The following EBF1 variants were observed in gnomAD, a reference collection of about 807,000 sequenced individuals.
EBF1 encodes the protein EBF transcription factor 1, also known as transcription factor COE1.
Under a neutral mutation model 68.4 loss-of-function variants are expected in EBF1, and 10 were observed. That is an observed-to-expected ratio of 0.15 (90% CI 0.09 to 0.25). The LOEUF (loss-of-function observed/expected upper bound fraction) is 0.25, where lower values mean the gene tolerates loss of function less well. Ranked by LOEUF, EBF1 falls within the 10% of genes least tolerant of loss-of-function variation. EBF1 has a pLI of 1.00. For synonymous variants in EBF1, 298 were observed against 299.8 expected (o/e 0.99, Z 0.06); for missense variants, 509 against 794.4 (o/e 0.64, Z 4.32).
chr5:158,801,667 T>TAAAAA (rs11290189), intron 8 of EBF1, among the ~76,000 whole-genome samples: 1 of 128,250 alleles, frequency 7.8e-6, no homozygotes. Context: ...AGGGAAGAAT[T>TAAAAA]AAAAAAAAAA....
chr5:158,888,689 CA>C (rs1275770943), intron 6 of EBF1, among the ~76,000 whole-genome samples: 1 of 151,952 alleles, frequency 6.6e-6, no homozygotes, highest in Non-Finnish European at 1.5e-5. Context: ...AAACAATAAC[CA>C]AAAAGGTTTA....
At chr5:158,906,519 G>GT (rs1163312203) in intron 6 of EBF1, among the ~76,000 whole-genome samples, 11 of 152,180 alleles carry the variant, frequency 7.2e-5, no homozygotes, top group Non-Finnish European at 4.4e-5. Context: ...GAACAGGCAG[G>GT]TGCAGGGGAG....
At chr5:159,054,556 A>G (rs2127834686) in intron 6 of EBF1, among the ~76,000 whole-genome samples, 1 of 152,312 alleles carries the variant, frequency 6.6e-6, no homozygotes, top group Admixed American at 6.5e-5. Context: ...TATATACTGT[A>G]TTGTCACTCA....
chr5:159,073,621 G>T, intron 5 of EBF1, 157 bp from the exon 6 acceptor site: 1 of 749,618 alleles, frequency 1.3e-6, no homozygotes, highest in Non-Finnish European at 2.2e-6. Flanking sequence ...AATTCTATTT[G>T]GGTCACCTAT....
At chr5:158,998,311 G>T (rs1463143588) in intron 6 of EBF1, among the ~76,000 whole-genome samples, 1 of 152,020 alleles carries the variant, frequency 6.6e-6, no homozygotes, top group Admixed American at 6.6e-5. Context: ...CCTCGACAAG[G>T]CTTTCCTCCA....
At chr5:158,763,286 T>A (rs1054056708) in intron 10 of EBF1, among the ~76,000 whole-genome samples, 3 of 152,198 alleles carry the variant, frequency 2.0e-5, no homozygotes. Context: ...TGGACCCCAC[T>A]AAGTCCCTCC....
rs199832129 is a variant in EBF1 at position 158,731,031 on chromosome 5, C to G, written c.1125+38G>C. 6.9e-6 allele frequency: 11 copies of G among 1,591,266 alleles called. 1 individual carries two copies. The South Asian group carries it at 1.1e-4, about 16-fold the overall frequency. On this transcript the variant is annotated intron_variant, in intron 11 of 15. Transcript: ENST00000313708. ...AGAGTTTTCTGCAAATCGCTCAAGTCCAAATTTTCAGGAATTACAAAAAGG... is the reference window on the plus strand; with the variant it reads ...AGAGTTTTCTGCAAATCGCTCAAGTGCAAATTTTCAGGAATTACAAAAAGG...
intron 9 of EBF1, among the ~76,000 whole-genome samples, chr5:158,786,156 C>T (rs1777399175): frequency 6.6e-6 from 1 of 151,620 alleles, no homozygotes; most frequent in Non-Finnish European, 1.5e-5. Context: ...AATTCCCAAA[C>T]AAACAACAAC....
intron 6 of EBF1, among the ~76,000 whole-genome samples, chr5:158,929,687 C>T (rs1810426611): frequency 6.6e-6 from 1 of 152,044 alleles, no homozygotes; most frequent in African/African-American, 2.4e-5. Context: ...TATCACCAAC[C>T]TAATGCTTGT....
chr5:158,922,465 G>A (rs1177577137), intron 6 of EBF1, among the ~76,000 whole-genome samples: 1 of 152,148 alleles, frequency 6.6e-6, no homozygotes, highest in Non-Finnish European at 1.5e-5. Flanking sequence ...AGTCAGCAAG[G>A]GGCAGACATT....
chr5:158,729,246 G>T lies in EBF1; in HGVS notation c.1125+1823C>A, dbSNP rs969785188. On this transcript the variant is annotated intron_variant, in intron 11 of 15. Coordinates refer to ENST00000313708, the MANE Select transcript of EBF1 (RefSeq NM_024007.5). ...GAGGTAAACAATTTTGACCTAGGTT[G>T]CATAGCTAGCAAGTGGCCAATGTCT... Among the ~76,000 whole-genome samples, 60 of 152,340 alleles carry T rather than the reference G, an allele frequency of 3.9e-4. 1 individual carries two copies. The highest frequency in any genetic ancestry group is 6.3e-4 in the Non-Finnish European group (43 of 68,028).
At chr5:158,883,316 A>ATG (rs1258596976) in intron 6 of EBF1, among the ~76,000 whole-genome samples, 1 of 149,196 alleles carries the variant, frequency 6.7e-6, no homozygotes, top group Non-Finnish European at 1.5e-5. Context: ...ACATACATAC[A>ATG]TGTGTATATA....
At chr5:158,913,942 GT>G (rs1806572869) in intron 6 of EBF1, among the ~76,000 whole-genome samples, 1 of 152,254 alleles carries the variant, frequency 6.6e-6, no homozygotes, top group South Asian at 2.1e-4. Context: ...TTCAGTGTGA[GT>G]TTTTGGAGAT....
At chr5:158,940,763 G>GCCCCCCCCCCCCCC (rs1281689924) in intron 6 of EBF1, among the ~76,000 whole-genome samples, 1 of 6,360 alleles carries the variant, frequency 1.6e-4, no homozygotes, top group African/African-American at 4.1e-4. Flanking sequence ...TCACCCCACC[G>GCCCCCCCCCCCCCC]CCCCCCCCCC....
At chr5:159,087,135 G>C (rs1271097772) in intron 4 of EBF1, among the ~76,000 whole-genome samples, 1 of 151,488 alleles carries the variant, frequency 6.6e-6, no homozygotes, top group Non-Finnish European at 1.5e-5. Context: ...CTCTGTTTCA[G>C]CTTTAATATT....
intron 8 of EBF1, among the ~76,000 whole-genome samples, chr5:158,811,158 G>T (rs1198673248): frequency 6.6e-6 from 1 of 152,144 alleles, no homozygotes; most frequent in South Asian, 2.1e-4. Context: ...TTGAGATGGG[G>T]TGCCTGATAG....
chr5:158,892,566 C>T (rs937666069), intron 6 of EBF1, among the ~76,000 whole-genome samples: 8 of 152,174 alleles, frequency 5.3e-5, no homozygotes, highest in Non-Finnish European at 1.0e-4. Flanking sequence ...CTCCTGGCCT[C>T]ATGCGATGGG....
chr5:158,718,770 C>T (rs561984010), intron 11 of EBF1, among the ~76,000 whole-genome samples: 6 of 152,200 alleles, frequency 3.9e-5, no homozygotes, highest in African/African-American at 1.4e-4. Context: ...TCACTGATAC[C>T]CCAGCTCCTA....
At position 159,003,714 on chromosome 5, in the gene EBF1, A is replaced by G. The variant is rs116109376; in HGVS notation, c.554+69682T>C. On this transcript the variant is annotated intron_variant, in intron 6 of 15. Coordinates refer to ENST00000313708, the MANE Select transcript of EBF1 (RefSeq NM_024007.5). ...TTCATTGAGGACTGAGCACATGCCCACAAGCCATGTGCTCAAACTTCATGA... is the reference window on the plus strand; with the variant it reads ...TTCATTGAGGACTGAGCACATGCCCGCAAGCCATGTGCTCAAACTTCATGA... Among the ~76,000 whole-genome samples, 554 of 152,380 alleles carry G rather than the reference A, an allele frequency of 3.6e-3. 3 individuals are homozygous for G. The highest frequency in any genetic ancestry group is 0.012 in the African/African-American group (507 of 41,598).
Sources: gnomAD v4.1 joint callset for allele counts (sites outside exome capture counted in the v4.1 genomes callset) on GRCh38, gnomAD v4.1.1 for gene constraint, MANE v1.5 for transcripts, NCBI Gene and HGNC (gene_info 2026-07-23, HGNC 2026-07-21) for gene names.